The following THUMPD3 variants were observed in gnomAD, a reference collection of about 807,000 sequenced individuals.
THUMPD3 encodes the protein THUMP domain 3 tRNA guanosine methyltransferase.
Under a neutral mutation model 54.5 loss-of-function variants are expected in THUMPD3, and 44 were observed. The ratio of observed to expected loss-of-function variants is 0.81; its 90% CI spans 0.63 to 1.04. The LOEUF (loss-of-function observed/expected upper bound fraction) is 1.04, where lower values mean the gene tolerates loss of function less well. Among genes scored for constraint, THUMPD3 ranks in the 50% least tolerant of loss-of-function variants. The pLI is 0.00. For missense variants in THUMPD3, 604 were observed against 601.3 expected (o/e 1.00, Z -0.05); for synonymous variants, 196 against 201.4 (o/e 0.97, Z 0.23).
In THUMPD3 at chr3:9,384,595, T is replaced by G. The variant is rs781676651; in HGVS notation, c.1431T>G (p.Ala477=). The G allele has an allele frequency of 2.7e-5, 44 of 1,614,138 alleles. No homozygotes were observed. The highest frequency in any genetic ancestry group is 3.7e-5 in the Non-Finnish European group (44 of 1,180,054). ...GGGTGAACGTTGGTGGTCTTCGTGCTGCAGTTTACGTTCTGATACGTACAC... is the reference window on the plus strand; with the variant it reads ...GGGTGAACGTTGGTGGTCTTCGTGCGGCAGTTTACGTTCTGATACGTACAC... ...TVWVNVGGLR[A]AVYVLIRTPQ... is the part of the protein sequence containing the mutation. The change falls in exon 10 of 10, where the codon GCT becomes GCG. Residue 477 remains alanine (A), a synonymous_variant. Transcript: ENST00000452837.
At chr3:9,369,885 CTT>C (rs967811648) in intron 3 of THUMPD3, among the ~76,000 whole-genome samples, 18 of 152,114 alleles carry the variant, frequency 1.2e-4, no homozygotes, top group Admixed American at 6.5e-4. Flanking sequence ...TACATTATGT[CTT>C]TACTTTTTTC....
chr3:9,379,732 A>G (rs2032733375), intron 6 of THUMPD3, among the ~76,000 whole-genome samples: 1 of 152,168 alleles, frequency 6.6e-6, no homozygotes, highest in Non-Finnish European at 1.5e-5. Context: ...TTGCTCTGTC[A>G]GCCAGGCTGG....
chr3:9,374,537 A>G lies in THUMPD3; in HGVS notation c.829A>G (p.Asn277Asp). Residue 277 changes from asparagine (N) to aspartate (D), a missense_variant, in exon 5 of 10, where the codon AAT becomes GAT. Transcript: ENST00000452837. ...ATAGGTTCTTTTGAACATCCATGAT[A>G]ATGAAGTCATTGTGGGCATTGCATT... ...DVEVLLNIHDNEVIVGIALTE... is the reference protein window; with the variant it reads ...DVEVLLNIHDDEVIVGIALTE... 6.2e-7 allele frequency: 1 copy of G among 1,613,948 alleles called. No homozygotes were observed. Among genetic ancestry groups the G allele is most frequent in the Non-Finnish European group, 8.5e-7 (1 of 1,179,912 alleles).
chr3:9,367,539 T>A (rs1345582136), intron 3 of THUMPD3, among the ~76,000 whole-genome samples: 2 of 152,164 alleles, frequency 1.3e-5, no homozygotes, highest in Non-Finnish European at 2.9e-5. Flanking sequence ...AGGCTTTAGG[T>A]TTTTTCCACA....
chr3:9,381,677 T>TA (rs1466863568), intron 7 of THUMPD3, among the ~76,000 whole-genome samples: 2 of 149,126 alleles, frequency 1.3e-5, no homozygotes, highest in African/African-American at 5.0e-5. Flanking sequence ...TTAAAACTGA[T>TA]AAACATTTAA....
chr3:9,384,503 ATTTTT>A lies in THUMPD3; in HGVS notation c.1360-17_1360-13del, dbSNP rs147229917. ...AAAGTAGATTGTCAACCTAATTGTT[ATTTTT>A]TTTGTGTGTACACAGGCGTTATCTG... On this transcript the variant is annotated splice_polypyrimidine_tract_variant and intron_variant, in intron 9 of 9. Transcript: ENST00000452837. The A allele has an allele frequency of 6.2e-6, 10 of 1,611,206 alleles. No homozygotes were observed. The highest frequency in any genetic ancestry group is 8.5e-6 in the Non-Finnish European group (10 of 1,178,062).
intron 4 of THUMPD3, among the ~76,000 whole-genome samples, chr3:9,372,997 A>T (rs959104048): frequency 1.3e-5 from 2 of 152,174 alleles, no homozygotes; most frequent in Admixed American, 1.3e-4. Flanking sequence ...CTGTAATTCC[A>T]GTACTTTGGG....
intron 6 of THUMPD3, among the ~76,000 whole-genome samples, chr3:9,378,517 G>A (rs1277549359): frequency 2.0e-5 from 3 of 152,220 alleles, no homozygotes; most frequent in Non-Finnish European, 4.4e-5. Flanking sequence ...AGAAGAGGGA[G>A]CTCCCAGTAA....
Position 9,377,921 on chromosome 3 carries a change from T to G in THUMPD3, c.1008+33T>G, listed in dbSNP as rs146391666. On this transcript the variant is annotated intron_variant, in intron 6 of 9. Coordinates refer to ENST00000452837, the MANE Select transcript of THUMPD3 (RefSeq NM_001114092.2). ...TATTTCTTTAGCTTTTAGATAAGAG[T>G]GATACATCCAGAATATTCTAGACCT... 1,634 of 1,547,806 alleles carry G rather than the reference T, an allele frequency of 1.1e-3. 32 individuals carry two copies. In the East Asian group the frequency reaches 0.017, roughly 16 times the overall value.
chr3:9,367,543 T>C (rs1304654489), intron 3 of THUMPD3, among the ~76,000 whole-genome samples: 1 of 152,244 alleles, frequency 6.6e-6, no homozygotes, highest in Non-Finnish European at 1.5e-5. Context: ...TTTAGGTTTT[T>C]TCCACACTGC....
chr3:9,369,568 CT>C (rs768301280), intron 3 of THUMPD3, among the ~76,000 whole-genome samples: 2 of 152,258 alleles, frequency 1.3e-5, no homozygotes. Context: ...GGATTTTGGA[CT>C]TTGAGATTAG....
intron 7 of THUMPD3, among the ~76,000 whole-genome samples, chr3:9,382,665 G>T (rs1313509366): frequency 1.3e-5 from 2 of 152,138 alleles, no homozygotes; most frequent in African/African-American, 4.8e-5. Flanking sequence ...GTAATTTACT[G>T]CTTCAGCATT....
intron 2 of THUMPD3, 58 bp downstream of exon 2, chr3:9,365,378 T>G: frequency 1.9e-6 from 3 of 1,585,286 alleles, no homozygotes; most frequent in Non-Finnish European, 2.6e-6. Flanking sequence ...ATGGTTACTT[T>G]TCATTTTATA....
chr3:9,379,853 A>G (rs1430431889), intron 6 of THUMPD3, among the ~76,000 whole-genome samples: 2 of 151,960 alleles, frequency 1.3e-5, no homozygotes, highest in African/African-American at 4.8e-5. Context: ...CATCACACCC[A>G]GCTGATTTTT....
At chr3:9,364,948 C>T (rs1260012524) in intron 1 of THUMPD3, 68 bp from the exon 2 acceptor site, 7 of 1,345,134 alleles carry the variant, frequency 5.2e-6, no homozygotes, top group Non-Finnish European at 7.1e-6. Flanking sequence ...CCTCCAGAGC[C>T]CATGTTTTTA....
At position 9,374,535 on chromosome 3, in the gene THUMPD3, A is replaced by G; in HGVS notation, c.827A>G (p.Asp276Gly). Residue 276 changes from aspartate to glycine, a missense_variant, in exon 5 of 10, where the codon GAT becomes GGT. Physicochemically the swap from Asp to Gly is moderately conservative, Grantham distance 94. Transcript: ENST00000452837. Reference protein sequence around the residue: ...FDVEVLLNIHDNEVIVGIALT... With the variant: ...FDVEVLLNIHGNEVIVGIALT... ...CTATAGGTTCTTTTGAACATCCATG[A>G]TAATGAAGTCATTGTGGGCATTGCA... 1.2e-6 allele frequency: 2 copies of G among 1,613,938 alleles called. No homozygotes were observed. The highest frequency in any genetic ancestry group is 1.7e-6 in the Non-Finnish European group (2 of 1,179,930).
At position 9,369,678 on chromosome 3, in the gene THUMPD3, A is replaced by G. The variant is rs143821352; in HGVS notation, c.331-1382A>G. ...GCTGTATAATAATTTAACCAGTCCC[A>G]TTTTAGGGCATGAGGGTTTTTCACA... On this transcript the variant is annotated intron_variant, in intron 3 of 9. Transcript: ENST00000452837. Among the ~76,000 whole-genome samples the G allele has an allele frequency of 1.9e-4, 29 of 152,306 alleles. No individual in the cohort carries two copies. In the South Asian group the frequency reaches 4.6e-3, roughly 24 times the overall value.
intron 5 of THUMPD3, among the ~76,000 whole-genome samples, chr3:9,377,571 C>T (rs1306462607): frequency 2.6e-5 from 4 of 152,178 alleles, no homozygotes; most frequent in African/African-American, 7.2e-5. Flanking sequence ...GACGGGGTTT[C>T]GCCATGTTGG....
chr3:9,380,372 G>A, intron 6 of THUMPD3, 131 bp from the exon 7 acceptor site: 4 of 618,714 alleles, frequency 6.5e-6, no homozygotes, highest in Non-Finnish European at 2.8e-6. Context: ...TTCAGCCAGG[G>A]AAATAGCACA....
Sources: allele counts gnomAD v4.1 joint callset (sites outside exome capture counted in the v4.1 genomes callset), GRCh38; gene constraint gnomAD v4.1.1; transcripts MANE v1.5; gene names NCBI Gene and HGNC (gene_info 2026-07-23, HGNC 2026-07-21).